Variants in LARGE1 observed in about 807,000 individuals in gnomAD.
LARGE1 encodes the protein xylosyl- and glucuronyltransferase LARGE1.
In LARGE1, 43 loss-of-function variants were observed where a neutral mutation model predicts 87.6. That is an observed-to-expected ratio of 0.49 (90% CI 0.38 to 0.63). LARGE1 has a LOEUF of 0.63. Among genes scored for constraint, LARGE1 ranks in the 30% least tolerant of loss-of-function variants. The pLI, the probability that LARGE1 is intolerant of heterozygous loss-of-function variation, is 0.00. For missense variants in LARGE1, 802 were observed against 1,000.2 expected, an observed-to-expected ratio of 0.80 and a Z score of 2.67; for synonymous variants, 434 against 394.6, an observed-to-expected ratio of 1.10 and a Z score of -1.18.
At chr22:33,206,684 CCAATAGGTCTCTGCTCCTCCATA>C (rs1924704449) in intron 11 of LARGE1, among the ~76,000 whole-genome samples, 1 of 152,176 alleles carries the variant, frequency 6.6e-6, no homozygotes, top group Admixed American at 6.5e-5. Context: ...ATAGGACAGT[CCAATAGGTCTCTGCTCCTCCATA>C]ATAACTCTCT....
chr22:33,442,729 A>C (rs2067523178), intron 6 of LARGE1, among the ~76,000 whole-genome samples: 1 of 151,196 alleles, frequency 6.6e-6, no homozygotes, highest in African/African-American at 2.4e-5. Context: ...CTATGAGCAG[A>C]GTCAGTTTTT....
chr22:33,093,826 T>C, the LARGE1 span, among the ~76,000 whole-genome samples: 47 of 93,980 alleles, frequency 5.0e-4, no homozygotes, highest in East Asian at 7.2e-3. Flanking sequence ...TTCTTTCTTT[T>C]TTTTTTTTTT....
intron 2 of LARGE1, among the ~76,000 whole-genome samples, chr22:33,698,553 G>A (rs1180312944): frequency 6.6e-6 from 1 of 152,206 alleles, no homozygotes; most frequent in Non-Finnish European, 1.5e-5. Flanking sequence ...CAAGCGATCT[G>A]CCCGCCTTAG....
intron 1 of LARGE1, among the ~76,000 whole-genome samples, chr22:33,832,813 A>G (rs1176314838): frequency 6.6e-6 from 1 of 152,032 alleles, no homozygotes; most frequent in Non-Finnish European, 1.5e-5. Context: ...GTTAACTGGA[A>G]CTCTGGACTG....
At chr22:33,155,182 G>A in the LARGE1 span, among the ~76,000 whole-genome samples, 8 of 152,312 alleles carry the variant, frequency 5.3e-5, no homozygotes, top group African/African-American at 1.9e-4. Context: ...GTGGGGTGCT[G>A]CTGAAAAGAT....
intron 2 of LARGE1, among the ~76,000 whole-genome samples, chr22:33,679,175 C>T (rs2081670070): frequency 6.6e-6 from 1 of 152,154 alleles, no homozygotes; most frequent in Admixed American, 6.5e-5. Context: ...AGAACAGTGC[C>T]TGACTCAAGC....
At position 33,349,512 on chromosome 22, in the gene LARGE1, T is replaced by C. The variant is rs188693789; in HGVS notation, c.1132-11711A>G. Reference sequence around the variant, plus strand: ...TCCAACATCCCGGACTGCTGGATCCTTCAATGCAAGAGCTGTGTTCTATCC... The same window carrying C: ...TCCAACATCCCGGACTGCTGGATCCCTCAATGCAAGAGCTGTGTTCTATCC... On this transcript the variant is annotated intron_variant, in intron 9 of 14. Coordinates refer to ENST00000397394, the MANE Select transcript of LARGE1 (RefSeq NM_133642.5). Among the ~76,000 whole-genome samples the C allele has an allele frequency of 2.4e-3, 365 of 152,286 alleles. 3 individuals carry two copies. The highest frequency in any genetic ancestry group is 1.5e-3 in the South Asian group (7 of 4,818).
chr22:33,806,505 C>T (rs1234646555), intron 1 of LARGE1, among the ~76,000 whole-genome samples: 1 of 152,174 alleles, frequency 6.6e-6, no homozygotes, highest in African/African-American at 2.4e-5. Flanking sequence ...GTTCCTTGAA[C>T]ACTTTCTGAG....
At chr22:33,528,268 G>C (rs1602267010) in intron 6 of LARGE1, among the ~76,000 whole-genome samples, 1 of 152,176 alleles carries the variant, frequency 6.6e-6, no homozygotes, top group East Asian at 1.9e-4. Flanking sequence ...AGCCTGCATG[G>C]TGGCTATTCT....
At chr22:33,133,761 T>C in the LARGE1 span, among the ~76,000 whole-genome samples, 1 of 152,214 alleles carries the variant, frequency 6.6e-6, no homozygotes, top group Admixed American at 6.5e-5. Flanking sequence ...CCACACTGTC[T>C]TTCACAATGG....
At chr22:33,141,190 T>TCA in the LARGE1 span, among the ~76,000 whole-genome samples, 7,104 of 147,128 alleles carry the variant, frequency 0.048, 204 homozygotes, top group East Asian at 0.069. Context: ...TCTCTCTCTC[T>TCA]CTCTCACACA....
chr22:33,245,529 G>A (rs1926715042), intron 11 of LARGE1, among the ~76,000 whole-genome samples: 1 of 152,154 alleles, frequency 6.6e-6, no homozygotes, highest in Admixed American at 6.5e-5. Context: ...TTGTCTTCAG[G>A]ATTGTACTGG....
intron 2 of LARGE1, among the ~76,000 whole-genome samples, chr22:33,713,229 G>A (rs76114213): frequency 0.037 from 5,699 of 152,164 alleles, 152 homozygotes; most frequent in Middle Eastern, 0.061. Context: ...TGGCTGTTCA[G>A]ATGATCATTA....
intron 1 of LARGE1, among the ~76,000 whole-genome samples, chr22:33,785,391 C>T (rs1224229092): frequency 2.0e-5 from 3 of 152,162 alleles, no homozygotes; most frequent in South Asian, 2.1e-4. Flanking sequence ...TAAAGTCACT[C>T]GATGAGTAAC....
intron 5 of LARGE1, among the ~76,000 whole-genome samples, chr22:33,588,046 A>T (rs1352378916): frequency 1.3e-5 from 2 of 152,228 alleles, no homozygotes; most frequent in Non-Finnish European, 2.9e-5. Flanking sequence ...GGCAGATAAA[A>T]TAACGTTACT....
rs574738767 is a variant in LARGE1 at position 33,401,717 on chromosome 22, T to C, written c.893-17413A>G. Among the ~76,000 whole-genome samples, 752 of 152,256 alleles carry C rather than the reference T, an allele frequency of 4.9e-3. 6 individuals carry two copies. The highest frequency in any genetic ancestry group is 0.017 in the African/African-American group (708 of 41,552). ...ATTATAGACGTAGGGAGAGGAAGCA[T>C]CTATATAGAAGCCAAGGAGAGAAGG... On this transcript the variant is annotated intron_variant, in intron 7 of 14. Transcript: ENST00000397394.
At chr22:33,496,727 A>G (rs916152932) in intron 6 of LARGE1, among the ~76,000 whole-genome samples, 5 of 152,188 alleles carry the variant, frequency 3.3e-5, no homozygotes, top group South Asian at 4.1e-4. Flanking sequence ...TGAACTCATT[A>G]GGTCCTGCCC....
chr22:33,823,815 C>T (rs2062705440), intron 1 of LARGE1, among the ~76,000 whole-genome samples: 1 of 152,176 alleles, frequency 6.6e-6, no homozygotes, highest in Non-Finnish European at 1.5e-5. Context: ...ACTGAGTCAT[C>T]TGCAGTTCAT....
At chr22:33,310,200 A>T (rs1483992649) in intron 11 of LARGE1, among the ~76,000 whole-genome samples, 1 of 152,110 alleles carries the variant, frequency 6.6e-6, no homozygotes, top group African/African-American at 2.4e-5. Flanking sequence ...GCAGGCTTGA[A>T]GCAACGCTGT....
Sources: allele counts gnomAD v4.1 joint callset (sites outside exome capture counted in the v4.1 genomes callset), GRCh38; gene constraint gnomAD v4.1.1; transcripts MANE v1.5; gene names NCBI Gene and HGNC (gene_info 2026-07-23, HGNC 2026-07-21).